Variants in RELN observed in about 807,000 individuals in gnomAD.
The protein encoded by RELN is reelin.
A neutral mutation model predicts 427.6 loss-of-function variants in RELN; 108 were observed. That is an observed-to-expected ratio of 0.25 (90% confidence interval 0.22 to 0.30). The LOEUF (loss-of-function observed/expected upper bound fraction) is 0.30. Ranked by LOEUF, RELN falls within the 10% of genes least tolerant of loss-of-function variation. The pLI is 1.00. For synonymous variants in RELN, 1,524 were observed against 1,513.4 expected (o/e 1.01, Z -0.16); for missense variants, 3,715 against 4,302.8 (o/e 0.86, Z 3.82).
At chr7:103,570,165 A>G (rs1830848720) in intron 31 of RELN, among the ~76,000 whole-genome samples, 1 of 152,222 alleles carries the variant, frequency 6.6e-6, no homozygotes, top group Non-Finnish European at 1.5e-5. Context: ...GCTTGTTACT[A>G]AAAGGATCCT....
chr7:103,838,424 T>C, intron 2 of RELN, among the ~76,000 whole-genome samples: 1 of 152,160 alleles, frequency 6.6e-6, no homozygotes, highest in Non-Finnish European at 1.5e-5. Flanking sequence ...TGTTTTGACA[T>C]ATCCAAATGG....
chr7:103,697,402 A>G (rs1261089854), intron 10 of RELN, among the ~76,000 whole-genome samples: 6 of 151,984 alleles, frequency 3.9e-5, no homozygotes, highest in Admixed American at 3.3e-4. Context: ...TGGAGTCCCT[A>G]TTCTCCTACC....
chr7:103,816,567 A>ACACACACACACACACACACACACAC (rs1554424792), intron 3 of RELN, among the ~76,000 whole-genome samples: 1 of 150,290 alleles, frequency 6.7e-6, no homozygotes, highest in Admixed American at 6.6e-5. Flanking sequence ...ACACACACAC[A>ACACACACACACACACACACACACAC]ACTAAGGCCT....
intron 4 of RELN, among the ~76,000 whole-genome samples, chr7:103,767,953 C>A (rs1291778839): frequency 6.6e-6 from 1 of 152,140 alleles, no homozygotes; most frequent in East Asian, 1.9e-4. Flanking sequence ...CTATTTCCCC[C>A]TACAACACTT....
At chr7:103,479,713 TA>T (rs1828163503) in intron 63 of RELN, among the ~76,000 whole-genome samples, 1 of 152,206 alleles carries the variant, frequency 6.6e-6, no homozygotes, top group Non-Finnish European at 1.5e-5. Context: ...ACCATTTAAT[TA>T]AAAATACATT....
intron 4 of RELN, among the ~76,000 whole-genome samples, chr7:103,763,735 T>C (rs1791358697): frequency 6.6e-6 from 1 of 151,940 alleles, no homozygotes; most frequent in South Asian, 2.1e-4. Flanking sequence ...GTGAGGGTGA[T>C]GGGTGTGGAA....
At chr7:103,871,250 A>T (rs1287374233) in intron 2 of RELN, among the ~76,000 whole-genome samples, 1 of 89,138 alleles carries the variant, frequency 1.1e-5, no homozygotes, top group African/African-American at 4.1e-5. Context: ...TATTCTTTCG[A>T]AAAGAATAAA....
chr7:103,941,269 C>T (rs1178551162), intron 1 of RELN, among the ~76,000 whole-genome samples: 2 of 152,192 alleles, frequency 1.3e-5, no homozygotes, highest in Non-Finnish European at 2.9e-5. Context: ...CCATAAATCC[C>T]AAATCCTCCT....
chr7:103,899,254 TC>T (rs1403949133), intron 2 of RELN, among the ~76,000 whole-genome samples: 1 of 152,010 alleles, frequency 6.6e-6, no homozygotes, highest in Non-Finnish European at 1.5e-5. Context: ...AGAAGTAGAA[TC>T]CCTGAATAAA....
intron 53 of RELN, among the ~76,000 whole-genome samples, chr7:103,500,257 C>G (rs1288044745): frequency 6.6e-6 from 1 of 152,138 alleles, no homozygotes; most frequent in Non-Finnish European, 1.5e-5. Flanking sequence ...ATTCTTAATA[C>G]ACAACCCCAT....
intron 6 of RELN, among the ~76,000 whole-genome samples, chr7:103,733,004 G>C (rs984721445): frequency 9.2e-5 from 14 of 152,138 alleles, no homozygotes; most frequent in Middle Eastern, 3.4e-3. Flanking sequence ...CCTATGTCCT[G>C]AATGGTAATG....
intron 1 of RELN, among the ~76,000 whole-genome samples, chr7:103,927,078 T>C (rs10953395): frequency 0.79 from 120,096 of 152,210 alleles, 47,471 homozygotes; most frequent in South Asian, 0.85. Flanking sequence ...GAGTATATTA[T>C]ATATGGCATA....
At chr7:103,745,787 ACATTCCATGCT>A (rs1371515902) in intron 6 of RELN, among the ~76,000 whole-genome samples, 1 of 152,014 alleles carries the variant, frequency 6.6e-6, no homozygotes, top group African/African-American at 2.4e-5. Context: ...AAATGGAAGA[ACATTCCATGCT>A]CATGGGTAGA....
At chr7:103,552,456 C>T (rs945168237) in intron 40 of RELN, among the ~76,000 whole-genome samples, 2 of 150,340 alleles carry the variant, frequency 1.3e-5, no homozygotes, top group African/African-American at 4.9e-5. Flanking sequence ...AAACTATTGA[C>T]ATTTGATAAA....
intron 59 of RELN, 60 bp from the exon 60 acceptor site, chr7:103,489,959 C>T (rs1394383543): frequency 6.3e-7 from 1 of 1,597,400 alleles, no homozygotes; most frequent in East Asian, 2.2e-5. Context: ...TGGCTGCATC[C>T]TGCCTCCAGC....
chr7:103,723,785 G>A (rs1233744734), intron 7 of RELN, among the ~76,000 whole-genome samples: 1 of 151,904 alleles, frequency 6.6e-6, no homozygotes, highest in African/African-American at 2.4e-5. Flanking sequence ...CTTTAAAGAA[G>A]GTAGAATCTG....
At chr7:103,490,627 G>A (rs780032558) in intron 59 of RELN, 41 bp downstream of exon 59, 1 of 1,602,128 alleles carries the variant, frequency 6.2e-7, no homozygotes, top group Non-Finnish European at 8.6e-7. Context: ...CTGTAGAGAG[G>A]CCAGATAATT....
intron 44 of RELN, 106 bp downstream of exon 44, chr7:103,540,091 G>T: frequency 7.7e-7 from 1 of 1,296,838 alleles, no homozygotes; most frequent in Non-Finnish European, 1.1e-6. Flanking sequence ...TCAACTGTCA[G>T]TTCTGGGTTT....
chr7:103,574,597 G>A (rs929951998), intron 29 of RELN, among the ~76,000 whole-genome samples: 3 of 152,130 alleles, frequency 2.0e-5, no homozygotes, highest in Admixed American at 2.0e-4. Flanking sequence ...CTGAGAAACA[G>A]ATTTCATCCA....
Sources: allele counts gnomAD v4.1 joint callset (sites outside exome capture counted in the v4.1 genomes callset), GRCh38; gene constraint gnomAD v4.1.1; transcripts MANE v1.5; gene names NCBI Gene and HGNC (gene_info 2026-07-23, HGNC 2026-07-21).